SLC1A3: variants seen among roughly 807,000 people sequenced by gnomAD.
SLC1A3 encodes excitatory amino acid transporter 1.
In SLC1A3, 21 loss-of-function variants were observed where a neutral mutation model predicts 48.1. That is an observed-to-expected ratio of 0.44 (90% CI 0.31 to 0.63). The LOEUF is 0.63. Among genes scored for constraint, SLC1A3 ranks in the 20% least tolerant of loss-of-function variants. The pLI is 0.08. For missense variants in SLC1A3, 546 were observed against 689.0 expected (o/e 0.79, Z 2.32); for synonymous variants, 239 against 251.4 (o/e 0.95, Z 0.47).
rs190669134 is a variant in SLC1A3 at position 36,628,345 on chromosome 5, C to T, written c.182-1105C>T. Among the ~76,000 whole-genome samples, 63 of 152,212 alleles carry T rather than the reference C, an allele frequency of 4.1e-4. 1 individual carries two copies. Among genetic ancestry groups the T allele is most frequent in the Middle Eastern group, 3.4e-3 (1 of 294 alleles). On this transcript the variant is annotated intron_variant, in intron 2 of 9. Transcript: ENST00000265113. ...TAAGAAGTTAAGACAGTTCAGTTTC[C>T]GTAAAAGACTGCTTGCCTCCTCTAG...
chr5:36,652,623 C>G (rs1741130460), intron 3 of SLC1A3, among the ~76,000 whole-genome samples: 1 of 152,042 alleles, frequency 6.6e-6, no homozygotes, highest in African/African-American at 2.4e-5. Context: ...CCAGAGTTAC[C>G]CATGGAGCAA....
At chr5:36,662,647 A>T (rs186941850) in intron 3 of SLC1A3, among the ~76,000 whole-genome samples, 1 of 152,216 alleles carries the variant, frequency 6.6e-6, no homozygotes. Flanking sequence ...GGGTATCCAA[A>T]TCACCTCGCA....
chr5:36,653,404 C>G (rs891343881), intron 3 of SLC1A3, among the ~76,000 whole-genome samples: 8 of 152,212 alleles, frequency 5.3e-5, no homozygotes, highest in Non-Finnish European at 1.0e-4. Flanking sequence ...TCCACATTTA[C>G]CCCTCCCAAG....
At chr5:36,683,122 G>C (rs552490599) in intron 8 of SLC1A3, among the ~76,000 whole-genome samples, 1 of 152,180 alleles carries the variant, frequency 6.6e-6, no homozygotes, top group East Asian at 1.9e-4. Flanking sequence ...CATTAATCAT[G>C]AATGTTCAGT....
rs550678656 is a variant in SLC1A3 at position 36,680,656 on chromosome 5, G to A, written c.1289+67G>A. 109 of 1,378,752 alleles carry A rather than the reference G, an allele frequency of 7.9e-5. 1 individual carries two copies. The highest frequency in any genetic ancestry group is 5.5e-4 in the Admixed American group (33 of 59,552). The allele number at this position is 1,378,752 out of a possible 1,614,324, so 85.4% of individuals were successfully genotyped here. ...TTTAAGGCTGGGCGTGGTGGCTCAC[G>A]CCTGTAATCCTAACACTTTGGGAGG... On this transcript the variant is annotated intron_variant, in intron 8 of 9. Transcript: ENST00000265113.
chr5:36,664,953 C>G (rs528748151), intron 3 of SLC1A3, among the ~76,000 whole-genome samples: 1 of 152,252 alleles, frequency 6.6e-6, no homozygotes, highest in South Asian at 2.1e-4. Flanking sequence ...AGTTTTCCAG[C>G]CTCCTGGCCT....
At chr5:36,656,136 C>T (rs1741275334) in intron 3 of SLC1A3, among the ~76,000 whole-genome samples, 1 of 152,130 alleles carries the variant, frequency 6.6e-6, no homozygotes, top group Non-Finnish European at 1.5e-5. Context: ...ATTTTACCTG[C>T]CATAATAATT....
Position 36,688,297 on chromosome 5 carries a change from A to G in SLC1A3, c.*2028A>G, listed in dbSNP as rs993283536. 5.9e-5 allele frequency: 9 copies of G among 152,214 alleles called. No homozygotes were observed. The highest frequency in any genetic ancestry group is 2.2e-4 in the African/African-American group (9 of 41,444). 9.4% of individuals were successfully genotyped at this position (152,214 alleles called of 1,614,324 possible). ...TGGACTGGGAAGCATTACTTTGTAG[A>G]TGTATTTTCAATAAAGAAAAAAATA... On this transcript the variant is annotated 3_prime_UTR_variant, in exon 10 of 10. Coordinates refer to ENST00000265113, the MANE Select transcript of SLC1A3 (RefSeq NM_004172.5).
intron 3 of SLC1A3, among the ~76,000 whole-genome samples, chr5:36,643,213 G>A (rs1740690040): frequency 6.6e-6 from 1 of 152,058 alleles, no homozygotes; most frequent in South Asian, 2.1e-4. Context: ...ACTCTTCTTA[G>A]CCTTTTGAAG....
At chr5:36,620,294 G>A (rs570236811) in intron 2 of SLC1A3, among the ~76,000 whole-genome samples, 2 of 152,244 alleles carry the variant, frequency 1.3e-5, no homozygotes, top group South Asian at 4.2e-4. Flanking sequence ...CATCACACTT[G>A]CTCTCCCTTC....
chr5:36,618,440 C>T (rs892107861), intron 2 of SLC1A3, among the ~76,000 whole-genome samples: 2 of 152,174 alleles, frequency 1.3e-5, no homozygotes, highest in Non-Finnish European at 1.5e-5. Context: ...CTAGGATCAC[C>T]CCGCTCCCAG....
intron 8 of SLC1A3, among the ~76,000 whole-genome samples, chr5:36,681,441 T>A (rs1313710584): frequency 6.6e-6 from 1 of 152,248 alleles, no homozygotes; most frequent in Non-Finnish European, 1.5e-5. Flanking sequence ...AAAAGTTAGA[T>A]GAACTTTTTC....
At chr5:36,627,021 T>A (rs1237434765) in intron 2 of SLC1A3, among the ~76,000 whole-genome samples, 1 of 152,198 alleles carries the variant, frequency 6.6e-6, no homozygotes, top group African/African-American at 2.4e-5. Flanking sequence ...CAGACATTGT[T>A]ATAAAAATGC....
At position 36,642,896 on chromosome 5, in the gene SLC1A3, G is replaced by A. The variant is rs557674553; in HGVS notation, c.319+13309G>A. Among the ~76,000 whole-genome samples, 8 of 152,130 alleles carry A rather than the reference G, an allele frequency of 5.3e-5. No individual in the cohort carries two copies. The South Asian group carries it at 6.2e-4, about 12-fold the overall frequency. ...ATGGTGTTGTATATATCAGTACTTCGTTCCTTTTTATAGCTGAATAATAAT... is the reference window on the plus strand; with the variant it reads ...ATGGTGTTGTATATATCAGTACTTCATTCCTTTTTATAGCTGAATAATAAT... On this transcript the variant is annotated intron_variant, in intron 3 of 9. Transcript: ENST00000265113.
rs559227990 is a variant in SLC1A3, at chr5:36,619,078, T to C, written c.182-10372T>C. 3.3e-5 allele frequency among the ~76,000 whole-genome samples: 5 copies of C among 152,220 alleles called. No homozygotes were observed. The East Asian group carries it at 9.7e-4, about 29-fold the overall frequency. On this transcript the variant is annotated intron_variant, in intron 2 of 9. Coordinates refer to ENST00000265113, the MANE Select transcript of SLC1A3 (RefSeq NM_004172.5). Reference sequence around the variant, plus strand: ...CATCAGTCACCCAGGGCTCTCTCATTTGGGCACCCCTGGTGGAACAAGGCT... The same window carrying C: ...CATCAGTCACCCAGGGCTCTCTCATCTGGGCACCCCTGGTGGAACAAGGCT...
At position 36,663,516 on chromosome 5, in the gene SLC1A3, T is replaced by C. The variant is rs535120233; in HGVS notation, c.320-7513T>C. On this transcript the variant is annotated intron_variant, in intron 3 of 9. Transcript: ENST00000265113. The stretch of plus-strand genomic sequence containing the variant: ...TCAGCCTCCCAAAGTACTGGGATTA[T>C]AGGCGTGAGCCACCGCGCCCGGCCC... Among the ~76,000 whole-genome samples the C allele has an allele frequency of 2.0e-5, 3 of 151,408 alleles. No homozygotes were observed. In the East Asian group the frequency reaches 5.8e-4, roughly 29 times the overall value.
intron 6 of SLC1A3, among the ~76,000 whole-genome samples, chr5:36,678,916 A>T (rs4869686): frequency 0.66 from 100,673 of 152,168 alleles, 35,186 homozygotes; most frequent in African/African-American, 0.9. Flanking sequence ...ACATCTTCTA[A>T]TTATGGCAAG....
rs189837693 is a variant in SLC1A3, at chr5:36,662,737, G to A, written c.320-8292G>A. Among the ~76,000 whole-genome samples the A allele has an allele frequency of 2.6e-5, 4 of 152,312 alleles. No homozygotes were observed. The South Asian group carries it at 6.2e-4, about 24-fold the overall frequency. Reference sequence around the variant, plus strand: ...CCTTCTGAGAGTTTCCGGCGACCTCGCTGAGAGTGAGAGGAAGTCCCTGCG... The same window carrying A: ...CCTTCTGAGAGTTTCCGGCGACCTCACTGAGAGTGAGAGGAAGTCCCTGCG... On this transcript the variant is annotated intron_variant, in intron 3 of 9. Coordinates refer to ENST00000265113, the MANE Select transcript of SLC1A3 (RefSeq NM_004172.5).
intron 3 of SLC1A3, chr5:36,670,773 G>C (rs561329380): frequency 5.1e-5 from 28 of 548,584 alleles, no homozygotes; most frequent in African/African-American, 4.9e-4. Flanking sequence ...TATTGATTTG[G>C]CCATGTGAAA....
Sources: gnomAD v4.1 joint callset for allele counts (sites outside exome capture counted in the v4.1 genomes callset) on GRCh38, gnomAD v4.1.1 for gene constraint, MANE v1.5 for transcripts, NCBI Gene and HGNC (gene_info 2026-07-23, HGNC 2026-07-21) for gene names.